Variants in CSMD2 observed in about 807,000 individuals in gnomAD.
The protein encoded by CSMD2 is CUB and Sushi multiple domains 2.
CSMD2 carries 130 observed loss-of-function variants against 398.5 expected under a neutral mutation model. The ratio of observed to expected loss-of-function variants is 0.33; its 90% CI spans 0.28 to 0.38. CSMD2 has a LOEUF of 0.38. CSMD2 is among the 10% of genes least tolerant of loss of function. The pLI, the probability that CSMD2 is intolerant of heterozygous loss-of-function variation, is 1.00. For synonymous variants in CSMD2, 1,828 were observed against 1,908.5 expected (o/e 0.96, Z 1.10); for missense variants, 3,829 against 4,764.9 (o/e 0.80, Z 5.78).
At chr1:33,529,716 G>A (rs992014247) in intron 64 of CSMD2, among the ~76,000 whole-genome samples, 2 of 152,298 alleles carry the variant, frequency 1.3e-5, no homozygotes, top group Admixed American at 1.3e-4. Context: ...TTGTGACCTT[G>A]GATGTATCAC....
At chr1:33,600,025 C>T (rs535611886) in intron 44 of CSMD2, 37 of 624,610 alleles carry the variant, frequency 5.9e-5, no homozygotes, top group African/African-American at 4.8e-4. Flanking sequence ...TTCCTTTGCC[C>T]TATTTCTTCA....
At position 34,045,324 on chromosome 1, in the gene CSMD2, T is replaced by C. The variant is rs1570924994; in HGVS notation, c.405-12618A>G. Among the ~76,000 whole-genome samples, 4 of 152,268 alleles carry C rather than the reference T, an allele frequency of 2.6e-5. No homozygotes were observed. In the Middle Eastern group the frequency reaches 0.01, roughly 388 times the overall value. On this transcript the variant is annotated intron_variant, in intron 2 of 70. Transcript: ENST00000373381. ...ATTAGCTATGAGACCACTGACACTC[T>C]CAGTCTTCAACACCCTGAAACCCAG...
chr1:33,718,902 C>T (rs367795531), intron 19 of CSMD2, among the ~76,000 whole-genome samples: 3 of 152,230 alleles, frequency 2.0e-5, no homozygotes, highest in African/African-American at 7.2e-5. Flanking sequence ...CCAACAGAAG[C>T]GATGGGACCA....
intron 66 of CSMD2, 122 bp from the exon 67 acceptor site, chr1:33,523,541 T>C: frequency 1.6e-6 from 1 of 620,830 alleles, no homozygotes; most frequent in Middle Eastern, 4.3e-4. Context: ...GATATAAACA[T>C]TCTCCACATC....
chr1:33,654,419 G>A (rs946712524), intron 27 of CSMD2, among the ~76,000 whole-genome samples: 7 of 152,124 alleles, frequency 4.6e-5, no homozygotes, highest in Non-Finnish European at 1.0e-4. Flanking sequence ...CCATACAGTC[G>A]GTAGCAGTAG....
intron 41 of CSMD2, among the ~76,000 whole-genome samples, chr1:33,606,224 C>T (rs563553382): frequency 2.0e-5 from 3 of 152,220 alleles, no homozygotes; most frequent in South Asian, 2.1e-4. Context: ...GAACAGCCTT[C>T]GTGGCAGTAA....
At chr1:33,766,355 G>C (rs977269715) in intron 13 of CSMD2, among the ~76,000 whole-genome samples, 34 of 152,142 alleles carry the variant, frequency 2.2e-4, no homozygotes, top group African/African-American at 2.4e-5. Flanking sequence ...CAGAGAAGAT[G>C]TCAAGTCTAT....
Position 34,164,426 on chromosome 1 carries a change from G to A in CSMD2, c.187+485C>T, listed in dbSNP as rs550660050. Among the ~76,000 whole-genome samples, 1 of 152,170 alleles carries A rather than the reference G, an allele frequency of 6.6e-6. No individual in the cohort carries two copies. Among genetic ancestry groups the A allele is most frequent in the East Asian group, 2.0e-4 (1 of 5,116 alleles). ...GTTTCAATTGGAGAAAATGGGCGGG[G>A]GCAGGGAAGGGCAGACCTTGCAGAC... On this transcript the variant is annotated intron_variant, in intron 1 of 70. Transcript: ENST00000373381. The surrounding 1 kb of genome is among the most constrained non-coding windows in gnomAD (Gnocchi z 6.2).
chr1:33,632,491 C>A (rs757686420), intron 32 of CSMD2, among the ~76,000 whole-genome samples: 30 of 151,846 alleles, frequency 2.0e-4, no homozygotes, highest in Non-Finnish European at 3.7e-4. Flanking sequence ...AATGCACAGG[C>A]CAATAAACAC....
intron 1 of CSMD2, among the ~76,000 whole-genome samples, chr1:34,090,858 C>T (rs889161646): frequency 3.4e-4 from 51 of 152,170 alleles, no homozygotes; most frequent in Non-Finnish European, 1.0e-4. Flanking sequence ...TTAAAGTATA[C>T]AAGGCTTTCC....
chr1:34,110,018 G>T (rs1293989348), intron 1 of CSMD2, among the ~76,000 whole-genome samples: 2 of 121,090 alleles, frequency 1.7e-5, no homozygotes, highest in African/African-American at 3.0e-5. Flanking sequence ...TCCAGCCTGG[G>T]TGACAGAACG....
intron 10 of CSMD2, chr1:33,804,804 C>A: frequency 1.4e-6 from 1 of 717,432 alleles, no homozygotes; most frequent in Non-Finnish European, 2.6e-6. Flanking sequence ...CTTGCTGTTT[C>A]CCAGAAGACA....
intron 9 of CSMD2, among the ~76,000 whole-genome samples, chr1:33,814,720 C>G (rs546234740): frequency 6.6e-6 from 1 of 152,284 alleles, no homozygotes; most frequent in African/African-American, 2.4e-5. Flanking sequence ...ATAGCCACAC[C>G]CAGGGCCTTG....
intron 55 of CSMD2, among the ~76,000 whole-genome samples, chr1:33,557,346 A>G (rs1472228772): frequency 6.6e-6 from 1 of 152,114 alleles, no homozygotes; most frequent in Admixed American, 6.5e-5. Flanking sequence ...CAGTCCTTTA[A>G]AGGGAAGGGG....
intron 6 of CSMD2, among the ~76,000 whole-genome samples, chr1:33,829,067 G>A (rs1415480661): frequency 6.6e-6 from 1 of 152,228 alleles, no homozygotes; most frequent in East Asian, 1.9e-4. Flanking sequence ...GTTGCCTGTA[G>A]CCACCACATG....
At chr1:34,073,381 A>T (rs948928186) in intron 2 of CSMD2, among the ~76,000 whole-genome samples, 13 of 152,254 alleles carry the variant, frequency 8.5e-5, no homozygotes, top group African/African-American at 3.1e-4. Flanking sequence ...ATTAGTTTAC[A>T]CTTAATTCAT....
intron 5 of CSMD2, among the ~76,000 whole-genome samples, chr1:33,902,142 G>T (rs1231296921): frequency 6.6e-6 from 1 of 152,136 alleles, no homozygotes; most frequent in African/African-American, 2.4e-5. Context: ...GCAGGGAGTT[G>T]GTCAGTGCAA....
intron 1 of CSMD2, among the ~76,000 whole-genome samples, chr1:34,138,945 G>A (rs138748777): frequency 0.014 from 2,180 of 151,560 alleles, 24 homozygotes; most frequent in Middle Eastern, 0.024. Context: ...TTTCATATTC[G>A]ACTTCCTCTC....
chr1:33,725,850 C>T (rs1209333745), intron 16 of CSMD2, among the ~76,000 whole-genome samples: 1 of 151,676 alleles, frequency 6.6e-6, no homozygotes, highest in Non-Finnish European at 1.5e-5. Flanking sequence ...GGGGTCAGCA[C>T]ACTAAAGCCT....
Sources: allele counts gnomAD v4.1 joint callset (sites outside exome capture counted in the v4.1 genomes callset), GRCh38; gene constraint gnomAD v4.1.1; non-coding constraint Gnocchi (gnomAD v3.1); transcripts MANE v1.5; gene names NCBI Gene and HGNC (gene_info 2026-07-23, HGNC 2026-07-21).